Variants in PLPP1 observed in about 807,000 individuals in gnomAD.
PLPP1 encodes the protein phospholipid phosphatase 1.
Under a neutral mutation model 31.2 loss-of-function variants are expected in PLPP1, and 24 were observed. That is an observed-to-expected ratio of 0.77 (90% confidence interval 0.56 to 1.08). The LOEUF (loss-of-function observed/expected upper bound fraction) is 1.08, where lower values mean the gene tolerates loss of function less well. Among genes scored for constraint, PLPP1 ranks in the 50% least tolerant of loss-of-function variants. The pLI is 0.00. For missense variants in PLPP1, 319 were observed against 342.7 expected, an observed-to-expected ratio of 0.93 and a Z score of 0.55; for synonymous variants, 146 against 126.3, an observed-to-expected ratio of 1.16 and a Z score of -1.05.
At position 55,471,566 on chromosome 5, in the gene PLPP1, A is replaced by AT. The variant is rs1752416319; in HGVS notation, c.211-3418dup. Reference sequence around the variant, plus strand: ...CTCAGTGTATTTGACTTCACTGACCATTTCCTCCTCATTGAAATTATCTCA... The same window carrying AT: ...CTCAGTGTATTTGACTTCACTGACCATTTTCCTCCTCATTGAAATTATCTCA... On this transcript the variant is annotated intron_variant, in intron 2 of 5. Transcript: ENST00000307259. Among the ~76,000 whole-genome samples, 4 of 152,188 alleles carry AT rather than the reference A, an allele frequency of 2.6e-5. No homozygotes were observed. The South Asian group carries it at 8.3e-4, about 32-fold the overall frequency.
chr5:55,501,019 TA>T (rs1753131165), intron 1 of PLPP1, among the ~76,000 whole-genome samples: 1 of 152,156 alleles, frequency 6.6e-6, no homozygotes, highest in Non-Finnish European at 1.5e-5. Flanking sequence ...CTTACTCTGT[TA>T]AAACACAAAG....
intron 1 of PLPP1, among the ~76,000 whole-genome samples, chr5:55,507,475 T>C (rs1257343700): frequency 6.6e-6 from 1 of 152,056 alleles, no homozygotes; most frequent in African/African-American, 2.4e-5. Flanking sequence ...ACCAGGAAAG[T>C]AGGATGAAGA....
intron 3 of PLPP1, among the ~76,000 whole-genome samples, chr5:55,443,192 A>AATAT (rs1159178740): frequency 1.1e-3 from 29 of 25,412 alleles, no homozygotes; most frequent in South Asian, 2.5e-3. Context: ...AAAAAAAAAA[A>AATAT]ATATATATAT....
chr5:55,471,017 T>C (rs1369335744), intron 2 of PLPP1, among the ~76,000 whole-genome samples: 1 of 152,194 alleles, frequency 6.6e-6, no homozygotes, highest in African/African-American at 2.4e-5. Context: ...GATCATTTTA[T>C]ATGTTTCTAC....
At chr5:55,529,183 C>T (rs1376012035) in intron 1 of PLPP1, among the ~76,000 whole-genome samples, 2 of 151,958 alleles carry the variant, frequency 1.3e-5, no homozygotes, top group African/African-American at 4.8e-5. Flanking sequence ...CCCCCTATTG[C>T]TTGTCCATTT....
Position 55,494,967 on chromosome 5 carries a change from C to CAAAA in PLPP1, c.59-19521_59-19518dup, listed in dbSNP as rs33994006. 8.8e-5 allele frequency among the ~76,000 whole-genome samples: 12 copies of CAAAA among 135,636 alleles called. 1 individual carries two copies. The highest frequency in any genetic ancestry group is 2.2e-4 in the East Asian group (1 of 4,640). 89.0% of individuals were successfully genotyped at this position (135,636 alleles called of 152,430 possible). ...AACCCTGTCTCTACTAAAAAAAATA[C>CAAAA]AAAAAAAAAAAAAAATAGCCGGGCA... On this transcript the variant is annotated intron_variant, in intron 1 of 5. Coordinates refer to ENST00000307259, the MANE Select transcript of PLPP1 (RefSeq NM_003711.4).
In PLPP1 at chr5:55,534,487, C is replaced by A; in HGVS notation, c.58+85G>T. The A allele has an allele frequency of 1.5e-6, 2 of 1,371,118 alleles. 1 individual carries two copies. The highest frequency in any genetic ancestry group is 2.8e-5 in the South Asian group (2 of 70,196). The allele number at this position is 1,371,118 out of a possible 1,614,324, so 84.9% of individuals were successfully genotyped here. ...ACAGCTGCGCACGCGTCAGGCAACA[C>A]ACCCCCGCTGCCCGTCGCGGCTCTG... On this transcript the variant is annotated intron_variant, in intron 1 of 5. Coordinates refer to ENST00000307259, the MANE Select transcript of PLPP1 (RefSeq NM_003711.4).
intron 4 of PLPP1, 94 bp from the exon 5 acceptor site, chr5:55,426,133 G>GTAT (rs1364096361): frequency 1.8e-6 from 2 of 1,113,296 alleles, no homozygotes; most frequent in Admixed American, 2.9e-5. Flanking sequence ...GATTATCAAA[G>GTAT]TATTATTATA....
intron 4 of PLPP1, among the ~76,000 whole-genome samples, chr5:55,428,256 C>A (rs1262071570): frequency 6.6e-6 from 1 of 152,252 alleles, no homozygotes; most frequent in African/African-American, 2.4e-5. Flanking sequence ...CTGTACCTAA[C>A]CTTGTGCTCT....
At chr5:55,475,202 G>T (rs1752509162) in intron 2 of PLPP1, 97 bp downstream of exon 2, 1 of 1,100,790 alleles carries the variant, frequency 9.1e-7, no homozygotes, top group Non-Finnish European at 1.3e-6. Context: ...AGCATACATT[G>T]TTTTTGGAGG....
At chr5:55,438,846 A>T (rs1161009224) in intron 4 of PLPP1, among the ~76,000 whole-genome samples, 1 of 151,788 alleles carries the variant, frequency 6.6e-6, no homozygotes, top group East Asian at 1.9e-4. Flanking sequence ...GCTTGCAGTG[A>T]GCCGAGATCG....
intron 2 of PLPP1, among the ~76,000 whole-genome samples, chr5:55,473,308 A>G (rs906450084): frequency 5.9e-5 from 9 of 152,312 alleles, no homozygotes; most frequent in Non-Finnish European, 1.2e-4. Flanking sequence ...ATTACTCTAT[A>G]GTTTCCTTCA....
At chr5:55,491,233 C>G in intron 1 of PLPP1, 1 of 1,010,648 alleles carries the variant, frequency 9.9e-7, no homozygotes. Context: ...GGAGATGGAT[C>G]TCCATTATAC....
At chr5:55,466,956 G>T (rs1389419883) in intron 3 of PLPP1, among the ~76,000 whole-genome samples, 1 of 152,160 alleles carries the variant, frequency 6.6e-6, no homozygotes, top group Non-Finnish European at 1.5e-5. Flanking sequence ...CTAATTAGTG[G>T]CTTTACTTAG....
Position 55,437,384 on chromosome 5 carries a change from CT to C in PLPP1, c.549+4466del, listed in dbSNP as rs144555318. 1.0e-4 allele frequency among the ~76,000 whole-genome samples: 15 copies of C among 150,316 alleles called. 1 individual carries two copies. The highest frequency in any genetic ancestry group is 2.0e-4 in the African/African-American group (8 of 40,952). ...TATTCTATTGTTAATAAAGTAAGAA[CT>C]TTTTTTTTTCCATTTTAAACTAGAG... is the stretch of plus-strand genomic sequence containing the variant. On this transcript the variant is annotated intron_variant, in intron 4 of 5. Transcript: ENST00000307259.
At chr5:55,513,031 G>A (rs1473922944) in intron 1 of PLPP1, among the ~76,000 whole-genome samples, 1 of 152,150 alleles carries the variant, frequency 6.6e-6, no homozygotes, top group Non-Finnish European at 1.5e-5. Flanking sequence ...TATTATTTAA[G>A]CTTGTAAAGC....
intron 1 of PLPP1, among the ~76,000 whole-genome samples, chr5:55,493,401 T>C (rs1485714247): frequency 6.6e-6 from 1 of 152,068 alleles, no homozygotes; most frequent in Non-Finnish European, 1.5e-5. Flanking sequence ...TCTGCAATTC[T>C]ATGGTTTTTC....
chr5:55,507,245 T>C (rs114857649), intron 1 of PLPP1, among the ~76,000 whole-genome samples: 28 of 152,362 alleles, frequency 1.8e-4, no homozygotes, highest in African/African-American at 6.5e-4. Context: ...CTGATTATCA[T>C]TCCTGATCAT....
At position 55,534,775 on chromosome 5, in the gene PLPP1, G is replaced by T. The variant is rs1274155656; in HGVS notation, c.-146C>A. The stretch of plus-strand genomic sequence containing the variant: ...CCGGAGGAGGAGAGCAGCCGAGGGC[G>T]GGCTGAGACCGGGCGGCGCTCCCAC... On this transcript the variant is annotated 5_prime_UTR_variant, in exon 1 of 6. Coordinates refer to ENST00000307259, the MANE Select transcript of PLPP1 (RefSeq NM_003711.4). 2 of 831,094 alleles carry T rather than the reference G, an allele frequency of 2.4e-6. No individual in the cohort carries two copies. The highest frequency in any genetic ancestry group is 7.6e-5 in the Admixed American group (2 of 26,482). The allele number at this position is 831,094 out of a possible 1,614,324, so 51.5% of individuals were successfully genotyped here.
Sources: gnomAD v4.1 joint callset for allele counts (sites outside exome capture counted in the v4.1 genomes callset) on GRCh38, gnomAD v4.1.1 for gene constraint, MANE v1.5 for transcripts, NCBI Gene and HGNC (gene_info 2026-07-23, HGNC 2026-07-21) for gene names.